Variants in NSMCE2 observed in about 807,000 individuals in gnomAD.
NSMCE2 encodes NSE2 SUMO ligase component of SMC5/6 complex.
A neutral mutation model predicts 23.8 loss-of-function variants in NSMCE2; 24 were observed. That is an observed-to-expected ratio of 1.01 (90% CI 0.73 to 1.42). The LOEUF is 1.42. NSMCE2 is among the 40% of genes most tolerant of loss of function. The pLI is 0.00. For missense variants in NSMCE2, 284 were observed against 296.5 expected (o/e 0.96, Z 0.31); for synonymous variants, 92 against 94.1 (o/e 0.98, Z 0.13).
chr8:125,139,799 TTG>T (rs1326071717), intron 3 of NSMCE2, among the ~76,000 whole-genome samples: 1 of 152,166 alleles, frequency 6.6e-6, no homozygotes, highest in Non-Finnish European at 1.5e-5. Context: ...TGCCCTTATG[TTG>T]TCATTTTATA....
At chr8:125,110,747 A>G (rs894942763) in intron 3 of NSMCE2, among the ~76,000 whole-genome samples, 4 of 120,324 alleles carry the variant, frequency 3.3e-5, no homozygotes, top group Non-Finnish European at 6.9e-5. Flanking sequence ...TGCTTAGATA[A>G]TTTTGGTTGT....
chr8:125,309,490 A>G (rs1009494983), intron 5 of NSMCE2, among the ~76,000 whole-genome samples: 74 of 152,276 alleles, frequency 4.9e-4, no homozygotes, highest in African/African-American at 1.7e-3. Flanking sequence ...CGGGAGGCCA[A>G]TGGGGGAGGA....
At chr8:125,114,794 C>T (rs777125610) in intron 3 of NSMCE2, among the ~76,000 whole-genome samples, 2 of 152,194 alleles carry the variant, frequency 1.3e-5, no homozygotes, top group Non-Finnish European at 2.9e-5. Flanking sequence ...CACATACATA[C>T]ACATACATAG....
chr8:125,136,725 G>GT (rs963430394), intron 3 of NSMCE2, among the ~76,000 whole-genome samples: 1 of 151,980 alleles, frequency 6.6e-6, no homozygotes. Context: ...TCAACAAAGA[G>GT]TTTTTTTGAG....
At chr8:125,259,678 A>C (rs1213246109) in intron 5 of NSMCE2, among the ~76,000 whole-genome samples, 1 of 152,204 alleles carries the variant, frequency 6.6e-6, no homozygotes, top group East Asian at 1.9e-4. Context: ...TTGTTATTGC[A>C]GTACCCACAA....
intron 5 of NSMCE2, among the ~76,000 whole-genome samples, chr8:125,230,331 T>C (rs1405121652): frequency 1.3e-5 from 2 of 152,218 alleles, no homozygotes; most frequent in Non-Finnish European, 2.9e-5. Flanking sequence ...ACCCTTTCAA[T>C]TTAACAAGGC....
At chr8:125,203,882 G>A (rs558809341) in intron 5 of NSMCE2, among the ~76,000 whole-genome samples, 1 of 152,276 alleles carries the variant, frequency 6.6e-6, no homozygotes, top group South Asian at 2.1e-4. Context: ...TTGTTAGCTT[G>A]AAAGTAGGAG....
intron 5 of NSMCE2, among the ~76,000 whole-genome samples, chr8:125,220,665 C>G (rs1055722471): frequency 6.6e-6 from 1 of 151,060 alleles, no homozygotes; most frequent in Non-Finnish European, 1.5e-5. Context: ...AAGTAAAGAA[C>G]TTACTCATAA....
intron 5 of NSMCE2, among the ~76,000 whole-genome samples, chr8:125,298,441 C>T (rs903395819): frequency 1.3e-5 from 2 of 152,160 alleles, no homozygotes; most frequent in African/African-American, 4.8e-5. Flanking sequence ...AGCCAGTAAA[C>T]GTGAGATCCA....
chr8:125,134,787 G>T (rs1819978512), intron 3 of NSMCE2, among the ~76,000 whole-genome samples: 1 of 149,258 alleles, frequency 6.7e-6, no homozygotes, highest in South Asian at 2.1e-4. Context: ...GAGTACAGTG[G>T]CATGATCATA....
intron 5 of NSMCE2, among the ~76,000 whole-genome samples, chr8:125,346,007 A>T (rs1257732891): frequency 6.6e-6 from 1 of 152,194 alleles, no homozygotes; most frequent in Non-Finnish European, 1.5e-5. Context: ...AATACAAAAA[A>T]TTAGCTGGGC....
chr8:125,313,124 G>A, intron 5 of NSMCE2, among the ~76,000 whole-genome samples: 3 of 132,528 alleles, frequency 2.3e-5, no homozygotes. Flanking sequence ...AGGGAAAGAA[G>A]GAAGGAAGGA....
chr8:125,315,216 TGTCAGGC>T (rs1829134572), intron 5 of NSMCE2, among the ~76,000 whole-genome samples: 1 of 152,042 alleles, frequency 6.6e-6, no homozygotes, highest in African/African-American at 2.4e-5. Flanking sequence ...AGGTAAGGAA[TGTCAGGC>T]CCCAAGTACC....
At chr8:125,199,751 TA>T (rs904450811) in intron 5 of NSMCE2, among the ~76,000 whole-genome samples, 1 of 152,044 alleles carries the variant, frequency 6.6e-6, no homozygotes, top group African/African-American at 2.4e-5. Context: ...CTGTCTTGTT[TA>T]TCAGTCTAAT....
At chr8:125,333,155 ATTTCTTTTTTTT>A (rs945319819) in intron 5 of NSMCE2, among the ~76,000 whole-genome samples, 3 of 119,604 alleles carry the variant, frequency 2.5e-5, no homozygotes, top group African/African-American at 7.5e-5. Context: ...AAGAATCTAG[ATTTCTTTTTTTT>A]TTTCTTTTTA....
intron 5 of NSMCE2, among the ~76,000 whole-genome samples, chr8:125,324,518 CAAAA>C (rs71295841): frequency 2.0e-5 from 1 of 49,024 alleles, no homozygotes; most frequent in Non-Finnish European, 3.5e-5. Context: ...GGTGCCAGAC[CAAAA>C]AAAAAAAAAA....
At position 125,330,348 on chromosome 8, in the gene NSMCE2, G is replaced by T. The variant is rs959552290; in HGVS notation, c.419-26871G>T. 2.6e-5 allele frequency among the ~76,000 whole-genome samples: 4 copies of T among 151,844 alleles called. No individual in the cohort carries two copies. The East Asian group carries it at 7.7e-4, about 29-fold the overall frequency. ...GTGCCACCACACCCGGCTAATTTTT[G>T]TATTTTTAGTAGAGACAGGGTTTCA... is the stretch of plus-strand genomic sequence containing the variant. On this transcript the variant is annotated intron_variant, in intron 5 of 7. Transcript: ENST00000287437.
In NSMCE2 at chr8:125,143,389, C is replaced by T. The variant is rs79316374; in HGVS notation, c.158-7782C>T. ...TCTCCCAATATACGTCCCATTTATT[C>T]TAAGAAATTTAAAATACAATCAGGC... On this transcript the variant is annotated intron_variant, in intron 3 of 7. Transcript: ENST00000287437. 2.8e-4 allele frequency among the ~76,000 whole-genome samples: 43 copies of T among 152,254 alleles called. No individual in the cohort carries two copies. In the East Asian group the frequency reaches 7.7e-3, roughly 27 times the overall value.
rs542068148 is a variant in NSMCE2, at chr8:125,141,463, A to G, written c.158-9708A>G. 2.0e-4 allele frequency among the ~76,000 whole-genome samples: 31 copies of G among 152,288 alleles called. 1 individual carries two copies. The highest frequency in any genetic ancestry group is 8.3e-4 in the South Asian group (4 of 4,822). ...GTCATAACTCCATCATTTATTAACT[A>G]TGTCATCTGGGGCAAATGATTTAGT... On this transcript the variant is annotated intron_variant, in intron 3 of 7. Transcript: ENST00000287437.
Sources: gnomAD v4.1 joint callset for allele counts (sites outside exome capture counted in the v4.1 genomes callset) on GRCh38, gnomAD v4.1.1 for gene constraint, MANE v1.5 for transcripts, NCBI Gene and HGNC (gene_info 2026-07-23, HGNC 2026-07-21) for gene names.